The following MAP3K14 variants were observed in gnomAD, a reference collection of about 807,000 sequenced individuals.
MAP3K14 encodes NF-kappa-beta-inducing kinase.
In MAP3K14, 16 loss-of-function variants were observed where a neutral mutation model predicts 99.2. That is an observed-to-expected ratio of 0.16 (90% confidence interval 0.11 to 0.24). The LOEUF is 0.24. Ranked by LOEUF, MAP3K14 falls within the 10% of genes least tolerant of loss-of-function variation. MAP3K14 has a pLI of 1.00. For missense variants in MAP3K14, 784 were observed against 1,208.7 expected, an observed-to-expected ratio of 0.65 and a Z score of 5.21; for synonymous variants, 462 against 492.4, an observed-to-expected ratio of 0.94 and a Z score of 0.82.
rs1463185082 is a variant in MAP3K14, at chr17:45,265,206, T to C, written c.2636A>G (p.His879Arg). The C allele has an allele frequency of 6.2e-7, 1 of 1,613,874 alleles. No individual in the cohort carries two copies. Among genetic ancestry groups the C allele is most frequent in the East Asian group, 2.2e-5 (1 of 44,882 alleles). Residue 879 changes from histidine to arginine, a missense_variant, in exon 15 of 16, where the codon CAC (histidine) becomes CGC (arginine). His to Arg is a conservative substitution (Grantham distance 29, BLOSUM62 0). Coordinates refer to ENST00000344686, the MANE Select transcript of MAP3K14 (RefSeq NM_003954.5). The stretch of plus-strand genomic sequence containing the variant: ...GGCGATGTCTCCCACTTTGACCCGG[T>C]GGAACTCCCGGATGTGCAGGTGTTC... ...NGEHLHIREF[H>R]RVKVGDIATG... is the part of the protein sequence containing the mutation.
intron 1 of MAP3K14, among the ~76,000 whole-genome samples, chr17:45,307,622 A>G (rs2044440262): frequency 6.6e-6 from 1 of 152,104 alleles, no homozygotes; most frequent in Non-Finnish European, 1.5e-5. Context: ...CTGAAATACA[A>G]CCACCCACCG....
chr17:45,277,678 T>C (rs528855720), intron 6 of MAP3K14, among the ~76,000 whole-genome samples: 2 of 152,270 alleles, frequency 1.3e-5, no homozygotes, highest in African/African-American at 4.8e-5. Context: ...GCACTGCAGA[T>C]AACTCAGAAG....
chr17:45,295,682 G>A (rs748526638), intron 1 of MAP3K14, among the ~76,000 whole-genome samples: 2 of 152,222 alleles, frequency 1.3e-5, no homozygotes, highest in Non-Finnish European at 1.5e-5. Context: ...CTCCTAAGCC[G>A]ACATCTAAAC....
chr17:45,308,580 T>C (rs539092480), intron 1 of MAP3K14, among the ~76,000 whole-genome samples: 1 of 152,258 alleles, frequency 6.6e-6, no homozygotes, highest in East Asian at 1.9e-4. Context: ...CATAGCTTAC[T>C]ACAGCCTCGA....
chr17:45,267,855 G>C lies in MAP3K14; in HGVS notation c.1973-96C>G. 9.6e-7 allele frequency: 1 copy of C among 1,039,172 alleles called. No individual in the cohort carries two copies. Among genetic ancestry groups the C allele is most frequent in the Non-Finnish European group, 1.4e-6 (1 of 699,218 alleles). 64.4% of individuals were successfully genotyped at this position (1,039,172 alleles called of 1,614,324 possible). ...CTCTCCTGAGTGCAGAAGGGCTAGAGGCAAACAAAGGGGAGGACACTGCCC... is the reference window on the plus strand; with the variant it reads ...CTCTCCTGAGTGCAGAAGGGCTAGACGCAAACAAAGGGGAGGACACTGCCC... On this transcript the variant is annotated intron_variant, in intron 11 of 15. Transcript: ENST00000344686. The surrounding 1 kb of genome is among the most constrained non-coding windows in gnomAD (Gnocchi z 5.1).
chr17:45,274,352 AG>A, intron 7 of MAP3K14, 98 bp from the exon 8 acceptor site: 1 of 1,570,202 alleles, frequency 6.4e-7, no homozygotes, highest in Non-Finnish European at 8.7e-7. Context: ...GCAGGGTCAC[AG>A]GGTCAAGAGG....
rs1406802261 is a variant in MAP3K14, at chr17:45,263,638, T to A, written c.*998A>T. The A allele has an allele frequency of 6.5e-6, 1 of 152,716 alleles. No individual in the cohort carries two copies. The highest frequency in any genetic ancestry group is 2.4e-5 in the African/African-American group (1 of 41,468). 9.5% of individuals were successfully genotyped at this position (152,716 alleles called of 1,614,324 possible). Reference sequence around the variant, plus strand: ...TCAGAGTGCAAAGTGCCGTCGGCAGTACCCTCTGGCCAGGGGCAGGGCAGG... The same window carrying A: ...TCAGAGTGCAAAGTGCCGTCGGCAGAACCCTCTGGCCAGGGGCAGGGCAGG... On this transcript the variant is annotated 3_prime_UTR_variant, in exon 16 of 16. Coordinates refer to ENST00000344686, the MANE Select transcript of MAP3K14 (RefSeq NM_003954.5).
chr17:45,283,354 C>T lies in MAP3K14; in HGVS notation c.1290+1458G>A, dbSNP rs578227773. ...ACGATGATCCACACTGGCAAGAACT[C>T]GGCAAGAACTCAGCACGCACTCAGC... On this transcript the variant is annotated intron_variant, in intron 6 of 15. Transcript: ENST00000344686. Among the ~76,000 whole-genome samples the T allele has an allele frequency of 3.3e-5, 5 of 152,330 alleles. No individual in the cohort carries two copies. In the East Asian group the frequency reaches 7.7e-4, roughly 24 times the overall value.
At chr17:45,288,342 G>GTATCCCTTCCCC (rs2044283942) in intron 3 of MAP3K14, among the ~76,000 whole-genome samples, 1 of 151,188 alleles carries the variant, frequency 6.6e-6, no homozygotes. Flanking sequence ...AACCTGCCTG[G>GTATCCCTTCCCC]TGATAGGGGA....
At chr17:45,284,579 C>A (rs2143815350) in intron 6 of MAP3K14, among the ~76,000 whole-genome samples, 1 of 152,362 alleles carries the variant, frequency 6.6e-6, no homozygotes, top group South Asian at 2.1e-4. Flanking sequence ...CACGTGTGTC[C>A]TCTCACACTG....
chr17:45,269,315 C>T (rs2044124145), intron 11 of MAP3K14, among the ~76,000 whole-genome samples: 1 of 152,128 alleles, frequency 6.6e-6, no homozygotes, highest in Non-Finnish European at 1.5e-5. Context: ...CCCGGCCTGT[C>T]TTTATTTTGT....
At chr17:45,316,172 G>A (rs534726865) in intron 1 of MAP3K14, among the ~76,000 whole-genome samples, 20 of 152,246 alleles carry the variant, frequency 1.3e-4, no homozygotes, top group African/African-American at 3.6e-4. Context: ...CTTTAGGGCC[G>A]AGAGCAACTT....
intron 3 of MAP3K14, among the ~76,000 whole-genome samples, chr17:45,288,654 G>A (rs372778056): frequency 6.6e-6 from 1 of 152,116 alleles, no homozygotes; most frequent in African/African-American, 2.4e-5. Context: ...GGGATTATAG[G>A]TGAGAGCCAT....
intron 2 of MAP3K14, among the ~76,000 whole-genome samples, chr17:45,290,220 G>T (rs1397659650): frequency 6.6e-6 from 1 of 152,220 alleles, no homozygotes; most frequent in Non-Finnish European, 1.5e-5. Flanking sequence ...CCTGCTTGAT[G>T]ATTCTGCAGA....
chr17:45,281,294 C>CAAAGAAGTGCTAGGATTATAG (rs1861295717), intron 6 of MAP3K14, among the ~76,000 whole-genome samples: 1 of 149,528 alleles, frequency 6.7e-6, no homozygotes, highest in African/African-American at 2.5e-5. Context: ...GGGGTCTCTA[C>CAAAGAAGTGCTAGGATTATAG]AAAGAAGTGC....
At chr17:45,292,792 C>T (rs1176840842) in intron 1 of MAP3K14, among the ~76,000 whole-genome samples, 1 of 152,220 alleles carries the variant, frequency 6.6e-6, no homozygotes, top group East Asian at 1.9e-4. Context: ...CCAAACCTAA[C>T]AGCAGTAGGG....
chr17:45,265,951 A>G (rs1460141098), intron 14 of MAP3K14, among the ~76,000 whole-genome samples: 1 of 152,262 alleles, frequency 6.6e-6, no homozygotes, highest in Non-Finnish European at 1.5e-5. Context: ...ATTATGGGCA[A>G]TTTAGATTGT....
At chr17:45,288,038 G>A (rs1192924336) in intron 3 of MAP3K14, among the ~76,000 whole-genome samples, 1 of 152,228 alleles carries the variant, frequency 6.6e-6, no homozygotes, top group Non-Finnish European at 1.5e-5. Flanking sequence ...CAACAGATGG[G>A]TTGCTGCAGA....
intron 1 of MAP3K14, among the ~76,000 whole-genome samples, chr17:45,299,361 T>C (rs993614638): frequency 6.6e-6 from 1 of 151,888 alleles, no homozygotes; most frequent in African/African-American, 2.4e-5. Flanking sequence ...GAGATCAGCA[T>C]GTATAACATA....
Sources: allele counts gnomAD v4.1 joint callset (sites outside exome capture counted in the v4.1 genomes callset), GRCh38; gene constraint gnomAD v4.1.1; non-coding constraint Gnocchi (gnomAD v3.1); transcripts MANE v1.5; gene names NCBI Gene and HGNC (gene_info 2026-07-23, HGNC 2026-07-21).